The following LDAF1 variants were observed in gnomAD, a reference collection of about 807,000 sequenced individuals.
The protein encoded by LDAF1 is PROMETHIN.
Under a neutral mutation model 13.5 loss-of-function variants are expected in LDAF1, and 7 were observed. That is an observed-to-expected ratio of 0.52 (90% CI 0.29 to 0.97). The LOEUF (loss-of-function observed/expected upper bound fraction) is 0.97, where lower values mean the gene tolerates loss of function less well. Ranked by LOEUF, LDAF1 falls within the 50% of genes least tolerant of loss-of-function variation. LDAF1 has a pLI of 0.07. For synonymous variants in LDAF1, 69 were observed against 77.1 expected (o/e 0.89, Z 0.55); for missense variants, 148 against 193.2 (o/e 0.77, Z 1.39).
At chr16:21,169,156 A>C (rs1852692221) in intron 2 of LDAF1, 1 of 983,808 alleles carries the variant, frequency 1.0e-6, no homozygotes, top group Non-Finnish European at 1.2e-6. Flanking sequence ...TTAGCTTTTA[A>C]TGCTGAGATT....
At chr16:21,160,494 T>C (rs762568856) in intron 1 of LDAF1, among the ~76,000 whole-genome samples, 6 of 152,112 alleles carry the variant, frequency 3.9e-5, no homozygotes, top group Non-Finnish European at 8.8e-5. Context: ...AATGATGGAA[T>C]TGGGAGCCAA....
chr16:21,164,584 G>T (rs2093006829), intron 2 of LDAF1, among the ~76,000 whole-genome samples: 1 of 152,192 alleles, frequency 6.6e-6, no homozygotes, highest in Non-Finnish European at 1.5e-5. Context: ...AGCAATGTCA[G>T]GCTCAGAGGT....
At chr16:21,159,182 T>A in intron 1 of LDAF1, 1 of 846,942 alleles carries the variant, frequency 1.2e-6, no homozygotes, top group South Asian at 1.4e-5. Context: ...TCCACCGAGG[T>A]CCCCTTCCCC....
chr16:21,159,966 C>G (rs1219031293), intron 1 of LDAF1: 1 of 985,124 alleles, frequency 1.0e-6, no homozygotes, highest in Non-Finnish European at 1.2e-6. Context: ...GGATTAGTCC[C>G]CTCCTCAACT....
chr16:21,177,602 C>G (rs537653654), intron 4 of LDAF1, among the ~76,000 whole-genome samples: 2 of 151,076 alleles, frequency 1.3e-5, no homozygotes, highest in Non-Finnish European at 2.9e-5. Flanking sequence ...ATCTGAGAAC[C>G]CTTGCATTAG....
In LDAF1 at chr16:21,179,648, C is replaced by A; in HGVS notation, c.*92C>A. 8.8e-7 allele frequency: 1 copy of A among 1,137,308 alleles called. No individual in the cohort carries two copies. Among genetic ancestry groups the A allele is most frequent in the Non-Finnish European group, 1.3e-6 (1 of 783,830 alleles). The allele number at this position is 1,137,308 out of a possible 1,614,324, so 70.5% of individuals were successfully genotyped here. On this transcript the variant is annotated 3_prime_UTR_variant, in exon 5 of 5. Coordinates refer to ENST00000233047, the MANE Select transcript of LDAF1 (RefSeq NM_001301771.2). Reference sequence around the variant, plus strand: ...GCTTAGAAGAAGGGGGCTGGGTAGGCAAGCACTCCTTGGCTGTGTCCTCTC... The same window carrying A: ...GCTTAGAAGAAGGGGGCTGGGTAGGAAAGCACTCCTTGGCTGTGTCCTCTC...
intron 4 of LDAF1, chr16:21,177,458 T>G (rs1329389350): frequency 2.0e-5 from 3 of 152,124 alleles, no homozygotes; most frequent in Non-Finnish European, 4.4e-5. Flanking sequence ...TACCCATTGG[T>G]CAATGGGAGA....
chr16:21,175,162 A>G (rs988928424), intron 4 of LDAF1, among the ~76,000 whole-genome samples: 53 of 152,286 alleles, frequency 3.5e-4, no homozygotes, highest in African/African-American at 1.2e-3. Context: ...CTTTGTGTTG[A>G]TTTTAGAATC....
intron 3 of LDAF1, among the ~76,000 whole-genome samples, chr16:21,173,670 G>A (rs1053425211): frequency 1.3e-5 from 2 of 151,330 alleles, no homozygotes; most frequent in African/African-American, 2.4e-5. Flanking sequence ...CTGAGATTGC[G>A]CCACTGCACT....
chr16:21,166,773 C>T (rs752634086), intron 2 of LDAF1: 112 of 1,386,176 alleles, frequency 8.1e-5, no homozygotes, highest in Admixed American at 5.9e-4. Context: ...CCTGAGACAG[C>T]GCAAGGGACC....
chr16:21,161,145 G>T lies in LDAF1; in HGVS notation c.-38G>T. ...GCTGCACTGGAGAATTTACTGGTAGGATAATTCATCCCTAAAGAGATTGAA... is the reference window on the plus strand; with the variant it reads ...GCTGCACTGGAGAATTTACTGGTAGTATAATTCATCCCTAAAGAGATTGAA... On this transcript the variant is annotated 5_prime_UTR_variant, in exon 2 of 5. Coordinates refer to ENST00000233047, the MANE Select transcript of LDAF1 (RefSeq NM_001301771.2). The T allele has an allele frequency of 6.2e-7, 1 of 1,610,222 alleles. No homozygotes were observed. The highest frequency in any genetic ancestry group is 1.7e-4 in the Middle Eastern group (1 of 5,946).
chr16:21,167,061 C>A, intron 2 of LDAF1: 1 of 705,358 alleles, frequency 1.4e-6, no homozygotes, highest in Admixed American at 2.5e-5. Context: ...TTGGCCATGC[C>A]TCGAGAGTAA....
intron 2 of LDAF1, among the ~76,000 whole-genome samples, chr16:21,162,735 A>C (rs897211030): frequency 6.6e-6 from 1 of 152,368 alleles, no homozygotes; most frequent in African/African-American, 2.4e-5. Context: ...TTGGACAAGC[A>C]GCTTTCTCGC....
intron 2 of LDAF1, among the ~76,000 whole-genome samples, chr16:21,163,946 C>T (rs1422478526): frequency 6.6e-6 from 1 of 152,214 alleles, no homozygotes; most frequent in African/African-American, 2.4e-5. Context: ...AGGCAATCCA[C>T]CCACTTCGGC....
intron 2 of LDAF1, chr16:21,166,825 C>G: frequency 1.3e-6 from 2 of 1,535,546 alleles, no homozygotes; most frequent in Non-Finnish European, 1.7e-6. Context: ...TCCTCCGCCT[C>G]TCTTTCTCTT....
At chr16:21,167,464 C>T (rs1430276671) in intron 2 of LDAF1, among the ~76,000 whole-genome samples, 14 of 152,208 alleles carry the variant, frequency 9.2e-5, no homozygotes, top group East Asian at 1.9e-4. Flanking sequence ...CCCATCTTTG[C>T]GGATTTGCCT....
chr16:21,163,638 C>G (rs2092997515), intron 2 of LDAF1, among the ~76,000 whole-genome samples: 1 of 152,126 alleles, frequency 6.6e-6, no homozygotes, highest in Non-Finnish European at 1.5e-5. Context: ...GAGCAAGACT[C>G]TATCTCAGAC....
chr16:21,168,519 AATAAATAATAT>A (rs1427297232), intron 2 of LDAF1, among the ~76,000 whole-genome samples: 1 of 146,350 alleles, frequency 6.8e-6, no homozygotes, highest in Non-Finnish European at 1.5e-5. Flanking sequence ...TTATAATTAT[AATAAATAATAT>A]ATAAATAATA....
chr16:21,170,229 C>G, intron 2 of LDAF1: 1 of 878,124 alleles, frequency 1.1e-6, no homozygotes, highest in Non-Finnish European at 1.4e-6. Context: ...TCTCAAGCTC[C>G]CAACCTCAGG....
Sources: gnomAD v4.1 joint callset for allele counts (sites outside exome capture counted in the v4.1 genomes callset) on GRCh38, gnomAD v4.1.1 for gene constraint, MANE v1.5 for transcripts, NCBI Gene and HGNC (gene_info 2026-07-23, HGNC 2026-07-21) for gene names.